Variants in AUTS2 observed in about 807,000 individuals in gnomAD.
The protein encoded by AUTS2 is activator of transcription and developmental regulator AUTS2.
Under a neutral mutation model 112.4 loss-of-function variants are expected in AUTS2, and 17 were observed. The observed-to-expected ratio is 0.15, with a 90% CI of 0.10 to 0.23. The LOEUF is 0.23. AUTS2 is among the 10% of genes least tolerant of loss of function. The probability of loss-of-function intolerance (pLI) is 1.00; values close to 1 mark genes in which losing one functional copy is unlikely to be tolerated. For missense variants in AUTS2, 1,510 were observed against 1,701.6 expected (o/e 0.89, Z 1.98); for synonymous variants, 751 against 702.7 (o/e 1.07, Z -1.09).
intron 1 of AUTS2, among the ~76,000 whole-genome samples, chr7:69,657,626 T>A (rs1439697628): frequency 6.6e-6 from 1 of 152,082 alleles, no homozygotes; most frequent in Non-Finnish European, 1.5e-5. Flanking sequence ...CCTGAGCAGA[T>A]GTGGGTGGTG....
chr7:69,828,811 T>A (rs536340140), intron 1 of AUTS2, among the ~76,000 whole-genome samples: 1 of 152,198 alleles, frequency 6.6e-6, no homozygotes, highest in Non-Finnish European at 1.5e-5. Flanking sequence ...AACAGCCATT[T>A]AAAAACTGTC....
chr7:70,791,906 G>A lies in AUTS2; in HGVS notation c.*910G>A, dbSNP rs1314032127. ...TGGGATTTGCCAGATGCCAAAATCA[G>A]GGGACGGGTGGTGGTGTCTGTCAGA... On this transcript the variant is annotated 3_prime_UTR_variant, in exon 19 of 19. Coordinates refer to ENST00000342771, the MANE Select transcript of AUTS2 (RefSeq NM_015570.4). 1 of 152,210 alleles carries A rather than the reference G, an allele frequency of 6.6e-6. No individual in the cohort carries two copies. Among genetic ancestry groups the A allele is most frequent in the Non-Finnish European group, 1.5e-5 (1 of 67,986 alleles). 9.4% of individuals were successfully genotyped at this position (152,210 alleles called of 1,614,324 possible).
chr7:70,404,778 C>T (rs1794464821), intron 4 of AUTS2, among the ~76,000 whole-genome samples: 1 of 152,296 alleles, frequency 6.6e-6, no homozygotes, highest in African/African-American at 2.4e-5. Context: ...GGCTCATCAT[C>T]TTTCTACCTA....
chr7:69,978,892 ACACACACACGCACACACG>A (rs1411196229), intron 2 of AUTS2, among the ~76,000 whole-genome samples: 4 of 149,890 alleles, frequency 2.7e-5, no homozygotes, highest in African/African-American at 4.9e-5. Flanking sequence ...ACACACACAC[ACACACACACGCACACACG>A]CACACACACA....
chr7:70,016,993 T>G (rs73158400), intron 2 of AUTS2, among the ~76,000 whole-genome samples: 3,571 of 152,198 alleles, frequency 0.023, 89 homozygotes, highest in South Asian at 0.063. Flanking sequence ...TTAATGATTG[T>G]AGGGATAGAG....
In AUTS2 at chr7:70,300,222, C is replaced by T. The variant is rs947644772; in HGVS notation, c.661-135530C>T. 2.6e-5 allele frequency among the ~76,000 whole-genome samples: 4 copies of T among 152,144 alleles called. No individual in the cohort carries two copies. In the East Asian group the frequency reaches 5.8e-4, roughly 22 times the overall value. ...CACGCATAAAATACAGTAACACTAA[C>T]GATAGCTGATGAGCTAGAAAAATAA... On this transcript the variant is annotated intron_variant, in intron 4 of 18. Coordinates refer to ENST00000342771, the MANE Select transcript of AUTS2 (RefSeq NM_015570.4).
At chr7:70,719,453 A>G (rs1810549726) in intron 6 of AUTS2, among the ~76,000 whole-genome samples, 1 of 151,942 alleles carries the variant, frequency 6.6e-6, no homozygotes, top group Admixed American at 6.6e-5. Context: ...AATATTCTCT[A>G]AAACACACTC....
chr7:69,977,251 G>A (rs1584517281), intron 2 of AUTS2, among the ~76,000 whole-genome samples: 6 of 152,232 alleles, frequency 3.9e-5, no homozygotes, highest in South Asian at 4.1e-4. Context: ...GTTTAACCAT[G>A]TATGTGAAGG....
chr7:70,117,124 TTTG>T (rs1805413930), intron 2 of AUTS2, among the ~76,000 whole-genome samples: 1 of 128,052 alleles, frequency 7.8e-6, no homozygotes, highest in African/African-American at 3.0e-5. Flanking sequence ...TTTGTTTTTT[TTTG>T]TTTTTTTTTG....
chr7:69,939,297 A>G (rs1796534572), intron 2 of AUTS2, among the ~76,000 whole-genome samples: 1 of 152,198 alleles, frequency 6.6e-6, no homozygotes, highest in African/African-American at 2.4e-5. Flanking sequence ...CCTTATAGAA[A>G]TATTTTAAAG....
chr7:69,801,459 T>C (rs970081258), intron 1 of AUTS2, among the ~76,000 whole-genome samples: 1 of 149,640 alleles, frequency 6.7e-6, no homozygotes, highest in African/African-American at 2.4e-5. Flanking sequence ...ATAAATAAGA[T>C]ATACCTATAT....
chr7:69,857,739 C>A (rs1792796898), intron 1 of AUTS2, among the ~76,000 whole-genome samples: 1 of 151,886 alleles, frequency 6.6e-6, no homozygotes, highest in Non-Finnish European at 1.5e-5. Flanking sequence ...ATGGTGTGAA[C>A]CTGGGAGGCG....
chr7:70,352,113 G>C (rs1791795794), intron 4 of AUTS2, among the ~76,000 whole-genome samples: 1 of 152,162 alleles, frequency 6.6e-6, no homozygotes, highest in South Asian at 2.1e-4. Flanking sequence ...AGATACTACT[G>C]TTAATCCCAT....
At chr7:70,165,826 A>G (rs1044171740) in intron 4 of AUTS2, among the ~76,000 whole-genome samples, 10 of 152,200 alleles carry the variant, frequency 6.6e-5, no homozygotes, top group African/African-American at 1.9e-4. Flanking sequence ...TGGGTTGACA[A>G]TGAGCCTGGT....
chr7:70,082,206 G>T (rs1342502225), intron 2 of AUTS2, among the ~76,000 whole-genome samples: 1 of 152,218 alleles, frequency 6.6e-6, no homozygotes, highest in Non-Finnish European at 1.5e-5. Context: ...TTTCAATCCT[G>T]TGTTGACTAC....
intron 2 of AUTS2, among the ~76,000 whole-genome samples, chr7:70,038,726 G>A (rs1033129048): frequency 1.3e-5 from 2 of 152,048 alleles, no homozygotes; most frequent in African/African-American, 4.8e-5. Flanking sequence ...AGCCATGTGA[G>A]TTTGGGAAAG....
chr7:70,386,884 TCCTATGCCCCTTC>T (rs1316978841), intron 4 of AUTS2, among the ~76,000 whole-genome samples: 1 of 152,184 alleles, frequency 6.6e-6, no homozygotes, highest in African/African-American at 2.4e-5. Context: ...ATCTGAACAG[TCCTATGCCCCTTC>T]CCAGATTTAC....
chr7:70,014,887 G>A (rs1035991848), intron 2 of AUTS2, among the ~76,000 whole-genome samples: 7 of 152,184 alleles, frequency 4.6e-5, no homozygotes, highest in African/African-American at 1.4e-4. Context: ...TTCCAAAAAA[G>A]CATTTTCAGA....
intron 1 of AUTS2, among the ~76,000 whole-genome samples, chr7:69,728,439 G>A (rs1055749621): frequency 2.6e-5 from 4 of 152,186 alleles, no homozygotes; most frequent in African/African-American, 9.7e-5. Flanking sequence ...TGATGAACAG[G>A]GTAGGCACAT....
Sources: gnomAD v4.1 joint callset for allele counts (sites outside exome capture counted in the v4.1 genomes callset) on GRCh38, gnomAD v4.1.1 for gene constraint, MANE v1.5 for transcripts, NCBI Gene and HGNC (gene_info 2026-07-23, HGNC 2026-07-21) for gene names.